The following CSPG5 variants were observed in gnomAD, a reference collection of about 807,000 sequenced individuals.
CSPG5 encodes acidic leucine-rich EGF-like domain-containing brain protein.
A neutral mutation model predicts 39.8 loss-of-function variants in CSPG5; 25 were observed. The ratio of observed to expected loss-of-function variants is 0.63; its 90% CI spans 0.46 to 0.88. The LOEUF is 0.88. Among genes scored for constraint, CSPG5 ranks in the 40% least tolerant of loss-of-function variants. The probability of loss-of-function intolerance (pLI) is 0.00; values close to 1 mark genes in which losing one functional copy is unlikely to be tolerated. For synonymous variants in CSPG5, 295 were observed against 303.9 expected, an observed-to-expected ratio of 0.97 and a Z score of 0.31; for missense variants, 627 against 702.2, an observed-to-expected ratio of 0.89 and a Z score of 1.21.
At chr3:47,569,750 CTTTT>C (rs145182794) in intron 3 of CSPG5, among the ~76,000 whole-genome samples, 3 of 134,794 alleles carry the variant, frequency 2.2e-5, no homozygotes, top group Non-Finnish European at 3.3e-5. Flanking sequence ...CTATTCTTTT[CTTTT>C]TTTTTTTTTT....
Position 47,573,764 on chromosome 3 carries a change from C to G in CSPG5, c.1194-890G>C, listed in dbSNP as rs562274206. ...AAATTATGCACCAGAAAACTGGCTA[C>G]TCCACATCTAGAATAGGGTGGGGAG... On this transcript the variant is annotated intron_variant, in intron 2 of 4. Transcript: ENST00000264723. 1.3e-4 allele frequency among the ~76,000 whole-genome samples: 20 copies of G among 152,372 alleles called. No homozygotes were observed. The East Asian group carries it at 2.3e-3, about 18-fold the overall frequency.
chr3:47,574,853 G>A (rs993941885), intron 2 of CSPG5, among the ~76,000 whole-genome samples: 3 of 152,132 alleles, frequency 2.0e-5, no homozygotes, highest in Middle Eastern at 6.8e-3. Context: ...GCAGGAGAAT[G>A]GCATGAACCT....
At position 47,562,523 on chromosome 3, in the gene CSPG5, A is replaced by G; in HGVS notation, c.*77T>C. The G allele has an allele frequency of 2.3e-6, 3 of 1,316,164 alleles. No individual in the cohort carries two copies. Among genetic ancestry groups the G allele is most frequent in the Non-Finnish European group, 3.2e-6 (3 of 952,004 alleles). The allele number at this position is 1,316,164 out of a possible 1,614,324, so 81.5% of individuals were successfully genotyped here. A position where few individuals can be genotyped will look rare whatever the true frequency, so the allele number is the denominator to read the frequency against. On this transcript the variant is annotated 3_prime_UTR_variant, in exon 5 of 5. Transcript: ENST00000264723. ...TTTAACAAATGGTTACAAGAAATAG[A>G]CTCTGTACAAGAGGAGATAATGTTT...
Position 47,572,531 on chromosome 3 carries a change from G to T in CSPG5, c.1382+155C>A, listed in dbSNP as rs2031561294. 6.6e-6 allele frequency among the ~76,000 whole-genome samples: 1 copy of T among 152,238 alleles called. No individual in the cohort carries two copies. Among genetic ancestry groups the T allele is most frequent in the African/African-American group, 2.4e-5 (1 of 41,468 alleles). ...ATTTTGTGTAGGAACAGATGAGCCT[G>T]AGTGAATTTTTAGCACAGACAAAAC... is the stretch of plus-strand genomic sequence containing the variant. On this transcript the variant is annotated intron_variant, in intron 3 of 4. Coordinates refer to ENST00000264723, the MANE Select transcript of CSPG5 (RefSeq NM_006574.4). This position sits in a 1 kb window ranked among gnomAD's most constrained non-coding sequence, Gnocchi z 4.5.
chr3:47,574,212 A>G (rs2031625614), intron 2 of CSPG5, among the ~76,000 whole-genome samples: 1 of 152,120 alleles, frequency 6.6e-6, no homozygotes, highest in Non-Finnish European at 1.5e-5. Context: ...TAGCTTACTG[A>G]GGAAGACAAT....
intron 2 of CSPG5, among the ~76,000 whole-genome samples, chr3:47,576,569 C>T (rs2031744195): frequency 1.3e-5 from 2 of 152,000 alleles, no homozygotes; most frequent in Non-Finnish European, 2.9e-5. Context: ...AATGATTCTC[C>T]TTCCTCAGCC....
At chr3:47,571,551 C>T (rs1442945544) in intron 3 of CSPG5, among the ~76,000 whole-genome samples, 1 of 151,902 alleles carries the variant, frequency 6.6e-6, no homozygotes, top group African/African-American at 2.4e-5. Flanking sequence ...AGATGCAGCC[C>T]GCCTCAGTGC....
intron 4 of CSPG5, among the ~76,000 whole-genome samples, chr3:47,567,978 T>C (rs2031377894): frequency 6.6e-6 from 1 of 152,186 alleles, no homozygotes; most frequent in Admixed American, 6.5e-5. Context: ...AGTTAAGAGC[T>C]CTACAGCCGC....
At position 47,572,654 on chromosome 3, in the gene CSPG5, C is replaced by T. The variant is rs2108201465; in HGVS notation, c.1382+32G>A. 6.3e-7 allele frequency: 1 copy of T among 1,599,324 alleles called. No individual in the cohort carries two copies. Among genetic ancestry groups the T allele is most frequent in the South Asian group, 1.1e-5 (1 of 90,432 alleles). The stretch of plus-strand genomic sequence containing the variant: ...CGTCGGGGGGCCTCCCACACCCTGA[C>T]CTGGGTGGATGGGTGAGTGACACAG... On this transcript the variant is annotated intron_variant, in intron 3 of 4. Transcript: ENST00000264723. The surrounding 1 kb of genome is among the most constrained non-coding windows in gnomAD (Gnocchi z 4.5).
At position 47,576,941 on chromosome 3, in the gene CSPG5, C is replaced by G; in HGVS notation, c.1085G>C (p.Gly362Ala). The G allele has an allele frequency of 6.2e-7, 1 of 1,613,484 alleles. No homozygotes were observed. Among genetic ancestry groups the G allele is most frequent in the Non-Finnish European group, 8.5e-7 (1 of 1,179,638 alleles). ...SSENGTECRS[G>A]FVRHNGSCRS... ...GCAGGAGCCGTTATGCCGCACAAAGCCACTGCGGCACTCAGTGCCATTTTC... is the reference window on the plus strand; with the variant it reads ...GCAGGAGCCGTTATGCCGCACAAAGGCACTGCGGCACTCAGTGCCATTTTC... The change falls in exon 2 of 5, where the codon GGC becomes GCC. Residue 362 changes from glycine to alanine, a missense_variant. Physicochemically the swap from Gly to Ala is moderately conservative, Grantham distance 60 (BLOSUM62 0). Coordinates refer to ENST00000264723, the MANE Select transcript of CSPG5 (RefSeq NM_006574.4).
At chr3:47,571,170 G>A (rs1285757371) in intron 3 of CSPG5, among the ~76,000 whole-genome samples, 1 of 151,870 alleles carries the variant, frequency 6.6e-6, no homozygotes, top group East Asian at 1.9e-4. Flanking sequence ...GGGGAAAAAA[G>A]GTATATTTTA....
At chr3:47,578,895 CTG>C (rs2031893677), upstream of CSPG5, 1 of 148,506 alleles carries the variant, frequency 6.7e-6, no homozygotes, top group African/African-American at 2.4e-5. The surrounding 1 kb of genome is among the most constrained non-coding windows in gnomAD (Gnocchi z 6.0). Context: ...GCTGCCGCCG[CTG>C]CGCTCAGCGC....
At chr3:47,569,699 G>C (rs1167788631) in intron 3 of CSPG5, among the ~76,000 whole-genome samples, 3 of 150,576 alleles carry the variant, frequency 2.0e-5, no homozygotes, top group African/African-American at 7.3e-5. Context: ...GATAAGTACA[G>C]AATTGTACCT....
At chr3:47,570,635 G>T (rs900651135) in intron 3 of CSPG5, among the ~76,000 whole-genome samples, 1 of 151,836 alleles carries the variant, frequency 6.6e-6, no homozygotes, top group Non-Finnish European at 1.5e-5. Context: ...AGCCTCCCGA[G>T]TAGCTGGGAT....
At chr3:47,564,352 G>C (rs1452765207) in intron 4 of CSPG5, among the ~76,000 whole-genome samples, 1 of 152,162 alleles carries the variant, frequency 6.6e-6, no homozygotes, top group African/African-American at 2.4e-5. Flanking sequence ...GTACACACAG[G>C]ACACCGGGGC....
Position 47,577,201 on chromosome 3 carries a change from C to G in CSPG5, c.825G>C (p.Leu275Phe). ...CCTCCTCTTCCTCCTCCTCTTCATC[C>G]AAGTCATCATAAAAGGATGTGGTGG... ...FYPTTSFYDDLDEEEEEEEDD... is the reference protein window; with the variant it reads ...FYPTTSFYDDFDEEEEEEEDD... The change falls in exon 2 of 5, where the codon TTG becomes TTC. Residue 275 changes from leucine (L) to phenylalanine (F), a missense_variant. Leu to Phe is a conservative substitution (Grantham distance 22). Coordinates refer to ENST00000264723, the MANE Select transcript of CSPG5 (RefSeq NM_006574.4). The surrounding 1 kb of genome is among the most constrained non-coding windows in gnomAD (Gnocchi z 4.7). 3 of 1,607,800 alleles carry G rather than the reference C, an allele frequency of 1.9e-6. No individual in the cohort carries two copies. The highest frequency in any genetic ancestry group is 2.5e-6 in the Non-Finnish European group (3 of 1,176,866).
In CSPG5 at chr3:47,577,455, G is replaced by C; in HGVS notation, c.571C>G (p.Leu191Val). The change falls in exon 2 of 5, where the codon CTG becomes GTG. Residue 191 changes from leucine to valine, a missense_variant. By Grantham distance (32) the Leu-to-Val change is conservative. Transcript: ENST00000264723. The surrounding 1 kb of genome is among the most constrained non-coding windows in gnomAD (Gnocchi z 4.7). ...AGGGTGCCCTGAAATGGGTAAGTCA[G>C]CTCTGGCCCTTGAGGGTCGGGTGTG... ...GSTPDPQGPELTYPFQGTLEP... is the reference protein window; with the variant it reads ...GSTPDPQGPEVTYPFQGTLEP... 1.9e-6 allele frequency: 3 copies of C among 1,614,092 alleles called. No homozygotes were observed. The highest frequency in any genetic ancestry group is 2.5e-6 in the Non-Finnish European group (3 of 1,180,020).
Position 47,562,563 on chromosome 3 carries a change from C to T in CSPG5, c.*37G>A, listed in dbSNP as rs760802417. 68 of 1,564,262 alleles carry T rather than the reference C, an allele frequency of 4.3e-5. No individual in the cohort carries two copies. The highest frequency in any genetic ancestry group is 5.7e-5 in the Non-Finnish European group (65 of 1,139,662). ...AGATAATGTTTCTTCCCCTACCCCC[C>T]ACCCACTACCCCCGCTTCCTCTCTT... On this transcript the variant is annotated 3_prime_UTR_variant, in exon 5 of 5. Coordinates refer to ENST00000264723, the MANE Select transcript of CSPG5 (RefSeq NM_006574.4).
At chr3:47,569,710 G>C (rs943363392) in intron 3 of CSPG5, among the ~76,000 whole-genome samples, 1 of 150,788 alleles carries the variant, frequency 6.6e-6, no homozygotes, top group African/African-American at 2.4e-5. Context: ...AATTGTACCT[G>C]GTGCTGGTTA....
Sources: allele counts gnomAD v4.1 joint callset (sites outside exome capture counted in the v4.1 genomes callset), GRCh38; gene constraint gnomAD v4.1.1; non-coding constraint Gnocchi (gnomAD v3.1); transcripts MANE v1.5; gene names NCBI Gene and HGNC (gene_info 2026-07-23, HGNC 2026-07-21).